EVL: variants seen among roughly 807,000 people sequenced by gnomAD.
The protein encoded by EVL is ena/VASP-like protein.
EVL carries 21 observed loss-of-function variants against 59.6 expected under a neutral mutation model. The ratio of observed to expected loss-of-function variants is 0.35; its 90% CI spans 0.25 to 0.51. EVL has a LOEUF of 0.51. Among genes scored for constraint, EVL ranks in the 20% least tolerant of loss-of-function variants. EVL has a pLI of 0.97. For missense variants in EVL, 462 were observed against 546.6 expected, an observed-to-expected ratio of 0.85 and a Z score of 1.54; for synonymous variants, 198 against 203.5, an observed-to-expected ratio of 0.97 and a Z score of 0.23.
intron 3 of EVL, among the ~76,000 whole-genome samples, chr14:100,099,498 C>G (rs888568632): frequency 6.6e-6 from 1 of 152,174 alleles, no homozygotes; most frequent in Non-Finnish European, 1.5e-5. Context: ...GCAGCTTTCC[C>G]TATCTTGACA....
intron 1 of EVL, among the ~76,000 whole-genome samples, chr14:100,083,550 C>T (rs1007486883): frequency 6.6e-6 from 1 of 152,142 alleles, no homozygotes; most frequent in African/African-American, 2.4e-5. Flanking sequence ...AGCCAGTGGG[C>T]TCCGAGAGAC....
Position 100,059,712 on chromosome 14 carries a change from C to T in EVL, c.6-24975C>T, listed in dbSNP as rs2061790159. Among the ~76,000 whole-genome samples, 4 of 151,706 alleles carry T rather than the reference C, an allele frequency of 2.6e-5. No individual in the cohort carries two copies. In the South Asian group the frequency reaches 8.4e-4, roughly 32 times the overall value. On this transcript the variant is annotated intron_variant, in intron 1 of 13. Transcript: ENST00000402714. ...GTCACACTTTAGGAGTAGGACTGTG[C>T]TCTTGAGTCAGATGGGGGGGTGGTT...
At chr14:100,014,603 A>G (rs901658665) in intron 1 of EVL, among the ~76,000 whole-genome samples, 5 of 152,248 alleles carry the variant, frequency 3.3e-5, no homozygotes, top group Non-Finnish European at 5.9e-5. Flanking sequence ...GAGAGTGCAG[A>G]TATCTCTTCA....
chr14:100,102,217 C>A lies in EVL; in HGVS notation c.358+4559C>A, dbSNP rs1886264605. 3 of 454,650 alleles carry A rather than the reference C, an allele frequency of 6.6e-6. No individual in the cohort carries two copies. The East Asian group carries it at 2.1e-4, about 32-fold the overall frequency. The allele number at this position is 454,650 out of a possible 1,614,324, so 28.2% of individuals were successfully genotyped here. A position where few individuals can be genotyped will look rare whatever the true frequency, so the allele number is the denominator to read the frequency against. ...ATTTCATCTTTTCTGTTATTTTTAT[C>A]AGTACCTTTGACAAGTGCAGCGCAG... On this transcript the variant is annotated intron_variant, in intron 3 of 13. Coordinates refer to ENST00000392920, the MANE Select transcript of EVL (RefSeq NM_016337.3).
Position 99,972,556 on chromosome 14 carries a change from C to T in EVL, c.5+499C>T, listed in dbSNP as rs1220635104. ...GGCTTTTACAGGTGTAGTTTCCCCTCGACTTGGAGCCCGTCAACCCCTTCG... is the reference window on the plus strand; with the variant it reads ...GGCTTTTACAGGTGTAGTTTCCCCTTGACTTGGAGCCCGTCAACCCCTTCG... On this transcript the variant is annotated intron_variant, in intron 1 of 13. Coordinates refer to the EVL transcript ENST00000402714. The surrounding 1 kb of genome is among the most constrained non-coding windows in gnomAD (Gnocchi z 4.4). Among the ~76,000 whole-genome samples the T allele has an allele frequency of 1.3e-5, 2 of 152,288 alleles. No individual in the cohort carries two copies. Among genetic ancestry groups the T allele is most frequent in the Middle Eastern group, 3.4e-3 (1 of 294 alleles).
intron 1 of EVL, among the ~76,000 whole-genome samples, chr14:100,003,335 T>A (rs918259807): frequency 1.3e-5 from 2 of 152,222 alleles, no homozygotes; most frequent in African/African-American, 2.4e-5. Context: ...GTCAAAGCCC[T>A]GTAACTCAGT....
At chr14:100,073,487 A>AAC (rs2062094028) in intron 1 of EVL, among the ~76,000 whole-genome samples, 1 of 151,892 alleles carries the variant, frequency 6.6e-6, no homozygotes, top group African/African-American at 2.4e-5. Flanking sequence ...ATGCGTGGCT[A>AAC]ACACTTTTTT....
intron 2 of EVL, among the ~76,000 whole-genome samples, chr14:100,089,633 C>T (rs2062520935): frequency 6.6e-6 from 1 of 152,224 alleles, no homozygotes; most frequent in South Asian, 2.1e-4. Context: ...TAGAACAGTA[C>T]ATATGAGCCA....
rs571555110 is a variant in EVL, at chr14:100,089,661, C to T, written c.180+4806C>T. Among the ~76,000 whole-genome samples, 3 of 152,352 alleles carry T rather than the reference C, an allele frequency of 2.0e-5. No homozygotes were observed. The South Asian group carries it at 6.2e-4, about 32-fold the overall frequency. The stretch of plus-strand genomic sequence containing the variant: ...ATGAGCCAGGCGCAGTGGCTCATGC[C>T]TGTAATCCCGGCATTTTGGGAGGCC... On this transcript the variant is annotated intron_variant, in intron 2 of 13. Coordinates refer to ENST00000392920, the MANE Select transcript of EVL (RefSeq NM_016337.3).
rs148290562 is a variant in EVL, at chr14:99,987,897, A to G, written c.5+15840A>G. On this transcript the variant is annotated intron_variant, in intron 1 of 13. Coordinates refer to the EVL transcript ENST00000402714. ...ACTAAGACATCTCAACAATGAAAAG[A>G]CAACCCAATTTTTTTTTTTTTTTTT... Among the ~76,000 whole-genome samples, 900 of 149,882 alleles carry G rather than the reference A, an allele frequency of 6.0e-3. 5 individuals are homozygous for G. Among genetic ancestry groups the G allele is most frequent in the African/African-American group, 0.021 (859 of 40,320 alleles).
rs1479564374 is a variant in EVL at position 100,130,744 on chromosome 14, G to T, written c.839+1060G>T. 6.6e-6 allele frequency among the ~76,000 whole-genome samples: 1 copy of T among 152,236 alleles called. No individual in the cohort carries two copies. The highest frequency in any genetic ancestry group is 6.5e-5 in the Admixed American group (1 of 15,280). On this transcript the variant is annotated intron_variant, in intron 7 of 13. Transcript: ENST00000392920. The surrounding 1 kb of genome is among the most constrained non-coding windows in gnomAD (Gnocchi z 4.8). Reference sequence around the variant, plus strand: ...CACAGCCTGGGTTTCCTGCCAAGGGGCTCTTTGCTTGCATCACAGATGGCA... The same window carrying T: ...CACAGCCTGGGTTTCCTGCCAAGGGTCTCTTTGCTTGCATCACAGATGGCA...
intron 3 of EVL, chr14:100,106,733 C>A: frequency 2.5e-6 from 1 of 397,804 alleles, no homozygotes; most frequent in Non-Finnish European, 4.4e-6. Flanking sequence ...TTGTGAAACT[C>A]GGGCTGGTTC....
At chr14:100,132,525 AGGGCCTGGACATTTGCCT>A (rs1888500111) in intron 7 of EVL, among the ~76,000 whole-genome samples, 176 bp from the exon 8 acceptor site, 1 of 152,092 alleles carries the variant, frequency 6.6e-6, no homozygotes. Flanking sequence ...GACCACACGG[AGGGCCTGGACATTTGCCT>A]GGGCCTGGCT....
chr14:100,142,714 C>T (rs1889264469), intron 13 of EVL, among the ~76,000 whole-genome samples: 1 of 152,210 alleles, frequency 6.6e-6, no homozygotes, highest in Non-Finnish European at 1.5e-5. Context: ...CCTGTTTGTC[C>T]AGTTCCCCCA....
intron 3 of EVL, among the ~76,000 whole-genome samples, chr14:100,117,692 C>T (rs909594838): frequency 3.9e-5 from 6 of 152,290 alleles, no homozygotes; most frequent in South Asian, 4.1e-4. Context: ...GGATCTAGTA[C>T]GTAGTGTAAT....
intron 1 of EVL, among the ~76,000 whole-genome samples, chr14:100,049,849 C>T (rs1377017288): frequency 6.6e-6 from 1 of 152,160 alleles, no homozygotes; most frequent in African/African-American, 2.4e-5. Context: ...CTACTTTTTT[C>T]TCTATGGATT....
chr14:100,014,564 G>A (rs147814630), intron 1 of EVL, among the ~76,000 whole-genome samples: 2 of 152,238 alleles, frequency 1.3e-5, no homozygotes, highest in Non-Finnish European at 1.5e-5. Context: ...CCAAATCTTG[G>A]CTATTGTCAA....
At chr14:100,040,429 T>TC (rs1253559364) in intron 1 of EVL, among the ~76,000 whole-genome samples, 2 of 152,164 alleles carry the variant, frequency 1.3e-5, no homozygotes, top group African/African-American at 4.8e-5. Flanking sequence ...TGTCATTGTT[T>TC]CCCCATGTTT....
At chr14:100,012,833 G>A (rs777931109) in intron 1 of EVL, among the ~76,000 whole-genome samples, 3 of 152,188 alleles carry the variant, frequency 2.0e-5, no homozygotes, top group South Asian at 2.1e-4. Flanking sequence ...GAGAAAAACC[G>A]TCTCTAAGAC....
Sources: gnomAD v4.1 joint callset for allele counts (sites outside exome capture counted in the v4.1 genomes callset) on GRCh38, gnomAD v4.1.1 for gene constraint, Gnocchi (gnomAD v3.1) non-coding constraint, MANE v1.5 for transcripts, NCBI Gene and HGNC (gene_info 2026-07-23, HGNC 2026-07-21) for gene names.